The following TSPEAR variants were observed in gnomAD, a reference collection of about 807,000 sequenced individuals.
TSPEAR encodes the protein thrombospondin type laminin G domain and EAR repeats, also known as thrombospondin-type laminin G domain and EAR repeat-containing protein.
Under a neutral mutation model 71.6 loss-of-function variants are expected in TSPEAR, and 69 were observed. That is an observed-to-expected ratio of 0.96 (90% CI 0.79 to 1.18). The LOEUF (loss-of-function observed/expected upper bound fraction) is 1.18, where lower values mean the gene tolerates loss of function less well. Ranked by LOEUF, TSPEAR falls within the 50% of genes most tolerant of loss-of-function variation. The pLI is 0.00. For missense variants in TSPEAR, 971 were observed against 894.9 expected, an observed-to-expected ratio of 1.09 and a Z score of -1.09; for synonymous variants, 402 against 387.2, an observed-to-expected ratio of 1.04 and a Z score of -0.45.
At position 44,695,733 on chromosome 21, in the gene TSPEAR, G is replaced by T. The variant is rs369796983; in HGVS notation, c.82+15700C>A. On this transcript the variant is annotated intron_variant, in intron 1 of 11. Transcript: ENST00000323084. This position sits in a 1 kb window ranked among gnomAD's most constrained non-coding sequence, Gnocchi z 4.5. ...TCCACGCCAGGGTTCTCATCTCACC[G>T]CAGCGGGACAGGGGTACACGCCACA... 6.6e-6 allele frequency among the ~76,000 whole-genome samples: 1 copy of T among 152,130 alleles called. No homozygotes were observed. The highest frequency in any genetic ancestry group is 2.1e-4 in the South Asian group (1 of 4,828).
Position 44,527,456 on chromosome 21 carries a change from C to A in TSPEAR, c.985G>T (p.Gly329Cys). ...QNLSTNSETL[G>C]IEVFRIPQVG... Reference sequence around the variant, plus strand: ...TGAGGGATGCGGAACACCTCAATGCCCAGGGTCTCTGAGTTGGTGGACAAG... The same window carrying A: ...TGAGGGATGCGGAACACCTCAATGCACAGGGTCTCTGAGTTGGTGGACAAG... The change falls in exon 7 of 12, where the codon GGC becomes TGC. Residue 329 changes from glycine to cysteine, a missense_variant. Gly to Cys is a radical substitution (Grantham distance 159). Coordinates refer to ENST00000323084, the MANE Select transcript of TSPEAR (RefSeq NM_144991.3). 1 of 1,614,212 alleles carries A rather than the reference C, an allele frequency of 6.2e-7. No individual in the cohort carries two copies. Among genetic ancestry groups the A allele is most frequent in the South Asian group, 1.1e-5 (1 of 91,088 alleles).
chr21:44,580,798 C>T (rs1014418464), intron 1 of TSPEAR, among the ~76,000 whole-genome samples: 40 of 152,116 alleles, frequency 2.6e-4, no homozygotes, highest in African/African-American at 9.4e-4. Context: ...GCTGGTTTAT[C>T]TGTTTGTTTT....
chr21:44,606,199 A>C (rs1555929811), intron 1 of TSPEAR, among the ~76,000 whole-genome samples: 1 of 151,934 alleles, frequency 6.6e-6, no homozygotes, highest in Non-Finnish European at 1.5e-5. Context: ...TAAATAAATA[A>C]AAATGGGCAA....
intron 2 of TSPEAR, among the ~76,000 whole-genome samples, chr21:44,543,820 C>T (rs1245550287): frequency 6.6e-6 from 1 of 152,174 alleles, no homozygotes; most frequent in East Asian, 1.9e-4. Context: ...TTTCAGGTGC[C>T]TGGCCCTAAG....
At chr21:44,512,222 C>T (rs1479648794) in intron 9 of TSPEAR, among the ~76,000 whole-genome samples, 3 of 152,000 alleles carry the variant, frequency 2.0e-5, no homozygotes, top group Non-Finnish European at 4.4e-5. Context: ...AGGCAAAGGT[C>T]ACTGGGGAGC....
chr21:44,523,538 C>A (rs192329817), intron 8 of TSPEAR, among the ~76,000 whole-genome samples: 19 of 150,960 alleles, frequency 1.3e-4, no homozygotes, highest in Non-Finnish European at 2.2e-4. Context: ...GTAGTTAAGT[C>A]ATTGAGATGG....
chr21:44,538,432 C>G (rs997100118), intron 2 of TSPEAR, among the ~76,000 whole-genome samples: 9 of 146,260 alleles, frequency 6.2e-5, no homozygotes, highest in South Asian at 2.1e-4. Context: ...GCCCCCCCCC[C>G]CCCCAAGAGG....
chr21:44,663,786 C>A (rs1985617277), intron 1 of TSPEAR, among the ~76,000 whole-genome samples: 1 of 151,936 alleles, frequency 6.6e-6, no homozygotes. Flanking sequence ...TGAGATTTAT[C>A]CCAAGAATGC....
rs1173333113 is a variant in TSPEAR at position 44,591,850 on chromosome 21, G to T, written c.83-23845C>A. The T allele has an allele frequency of 6.2e-7, 1 of 1,607,900 alleles. No individual in the cohort carries two copies. Among genetic ancestry groups the T allele is most frequent in the Non-Finnish European group, 8.5e-7 (1 of 1,178,926 alleles). On this transcript the variant is annotated intron_variant, in intron 1 of 11. Coordinates refer to ENST00000323084, the MANE Select transcript of TSPEAR (RefSeq NM_144991.3). ...GGTGCAGCAAGTTGGCTGGCAGCTA[G>T]ACTGCTGGCAGCATGAGGGTGTGCA...
rs782692625 is a variant in TSPEAR, at chr21:44,625,429, CA to C, written c.83-57425del. On this transcript the variant is annotated intron_variant, in intron 1 of 11. Coordinates refer to ENST00000323084, the MANE Select transcript of TSPEAR (RefSeq NM_144991.3). ...CAACATAGCAAGACTCTGGTCTCTA[CA>C]AAAAAAATTTTTTTTTACAAAAAGA... Among the ~76,000 whole-genome samples, 1,078 of 152,158 alleles carry C rather than the reference CA, an allele frequency of 7.1e-3. 21 individuals are homozygous for C. Among genetic ancestry groups the C allele is most frequent in the Non-Finnish European group, 5.8e-3 (396 of 67,986 alleles).
At chr21:44,588,066 C>G (rs1280635042) in intron 1 of TSPEAR, among the ~76,000 whole-genome samples, 1 of 152,168 alleles carries the variant, frequency 6.6e-6, no homozygotes, top group Non-Finnish European at 1.5e-5. Flanking sequence ...GCAAAAGAAA[C>G]AGTCAGCAGA....
intron 1 of TSPEAR, chr21:44,646,731 C>A (rs1490614204): frequency 2.5e-6 from 4 of 1,613,928 alleles, no homozygotes; most frequent in Non-Finnish European, 3.4e-6. Context: ...CTTGCTGCAC[C>A]TCCTCCCCCT....
chr21:44,573,515 A>C (rs1224154947), intron 1 of TSPEAR, among the ~76,000 whole-genome samples: 1 of 152,148 alleles, frequency 6.6e-6, no homozygotes, highest in African/African-American at 2.4e-5. Flanking sequence ...CATGCGCCCC[A>C]GGCCAATTCC....
intron 1 of TSPEAR, among the ~76,000 whole-genome samples, chr21:44,629,157 C>T (rs1033516491): frequency 3.3e-5 from 5 of 152,174 alleles, no homozygotes; most frequent in Non-Finnish European, 7.4e-5. Flanking sequence ...GCTGCGATGC[C>T]GCCCACTCTT....
intron 1 of TSPEAR, among the ~76,000 whole-genome samples, chr21:44,703,834 G>A (rs563964029): frequency 1.3e-5 from 2 of 151,992 alleles, no homozygotes; most frequent in Admixed American, 6.5e-5. Flanking sequence ...CTCACTCCCC[G>A]CCAGAGCCGC....
chr21:44,521,277 G>A (rs1261984829), intron 9 of TSPEAR, among the ~76,000 whole-genome samples: 2 of 152,186 alleles, frequency 1.3e-5, no homozygotes, highest in African/African-American at 2.4e-5. Flanking sequence ...CCTCTGCTCC[G>A]GTCACAGTCC....
intron 1 of TSPEAR, among the ~76,000 whole-genome samples, chr21:44,678,499 T>C (rs369771431): frequency 1.1e-4 from 16 of 152,272 alleles, no homozygotes; most frequent in African/African-American, 3.9e-4. Flanking sequence ...GGTTCCTGTA[T>C]AGCCTGCAGA....
rs116074123 is a variant in TSPEAR, at chr21:44,601,631, C to A, written c.83-33626G>T. On this transcript the variant is annotated intron_variant, in intron 1 of 11. Transcript: ENST00000323084. ...TGCGCCCCCACCTCCTCCTGCCAGG[C>A]CAGCTGCTGCCGCCCAGCCTCCTGT... is the stretch of plus-strand genomic sequence containing the variant. 5.0e-6 allele frequency: 8 copies of A among 1,613,500 alleles called. No homozygotes were observed. The Admixed American group carries it at 1.0e-4, about 20-fold the overall frequency.
chr21:44,646,532 G>T (rs112278424), intron 1 of TSPEAR: 2 of 1,612,712 alleles, frequency 1.2e-6, no homozygotes, highest in African/African-American at 2.7e-5. Context: ...TGCCCAGAGA[G>T]CTGCTGTGAG....
Sources: gnomAD v4.1 joint callset for allele counts (sites outside exome capture counted in the v4.1 genomes callset) on GRCh38, gnomAD v4.1.1 for gene constraint, Gnocchi (gnomAD v3.1) non-coding constraint, MANE v1.5 for transcripts, NCBI Gene and HGNC (gene_info 2026-07-23, HGNC 2026-07-21) for gene names.